The following ASCC3 variants were observed in gnomAD, a reference collection of about 807,000 sequenced individuals.
The protein encoded by ASCC3 is activating signal cointegrator 1 complex subunit 3, also known as ASC-1 complex subunit P200.
Under a neutral mutation model 256.3 loss-of-function variants are expected in ASCC3, and 158 were observed. The observed-to-expected ratio is 0.62, with a 90% CI of 0.54 to 0.70. ASCC3 has a LOEUF of 0.70. ASCC3 is among the 30% of genes least tolerant of loss of function. The pLI is 0.00. For synonymous variants in ASCC3, 948 were observed against 883.4 expected (o/e 1.07, Z -1.30); for missense variants, 2,259 against 2,626.0 (o/e 0.86, Z 3.05).
At chr6:100,700,288 G>T (rs1455754303) in intron 13 of ASCC3, among the ~76,000 whole-genome samples, 1 of 152,164 alleles carries the variant, frequency 6.6e-6, no homozygotes, top group Non-Finnish European at 1.5e-5. Flanking sequence ...TGTTGAGCCT[G>T]TGAGTGCACA....
At chr6:100,539,739 CGTCT>C (rs1482243898) in intron 37 of ASCC3, among the ~76,000 whole-genome samples, 1 of 151,816 alleles carries the variant, frequency 6.6e-6, no homozygotes, top group Non-Finnish European at 1.5e-5. Flanking sequence ...CATTACCCTC[CGTCT>C]TTCTCTTTAT....
intron 11 of ASCC3, 132 bp downstream of exon 11, chr6:100,725,406 CT>C: frequency 9.1e-7 from 1 of 1,093,420 alleles, no homozygotes; most frequent in Admixed American, 2.2e-5. Flanking sequence ...TACATTCCCC[CT>C]TTTAAAAATA....
In ASCC3 at chr6:100,731,883, C is replaced by T. The variant is rs568287253; in HGVS notation, c.1738-6180G>A. Among the ~76,000 whole-genome samples, 8 of 152,194 alleles carry T rather than the reference C, an allele frequency of 5.3e-5. No homozygotes were observed. The East Asian group carries it at 9.7e-4, about 18-fold the overall frequency. On this transcript the variant is annotated intron_variant, in intron 10 of 41. Coordinates refer to ENST00000369162, the MANE Select transcript of ASCC3 (RefSeq NM_006828.4). ...CACTTTAAAATGTCATACTGCAGGT[C>T]GGGTGTGGTGGCTCATGCCTGTAAT...
intron 8 of ASCC3, among the ~76,000 whole-genome samples, chr6:100,789,461 A>G (rs552126268): frequency 1.2e-4 from 18 of 152,072 alleles, no homozygotes; most frequent in Admixed American, 1.2e-3. Context: ...GCCAGGGGGA[A>G]ATAGTAATTT....
intron 10 of ASCC3, among the ~76,000 whole-genome samples, chr6:100,729,958 C>A (rs1170090025): frequency 1.3e-5 from 2 of 152,000 alleles, no homozygotes; most frequent in African/African-American, 4.8e-5. Flanking sequence ...CATCAAATCT[C>A]AGGAGCCATT....
chr6:100,651,082 T>A (rs538636569), intron 19 of ASCC3, among the ~76,000 whole-genome samples: 1 of 151,962 alleles, frequency 6.6e-6, no homozygotes, highest in Non-Finnish European at 1.5e-5. Context: ...CAACTTGAAT[T>A]ATCTTCAAAT....
At chr6:100,693,846 T>C (rs1437014708) in intron 13 of ASCC3, among the ~76,000 whole-genome samples, 2 of 152,138 alleles carry the variant, frequency 1.3e-5, no homozygotes, top group East Asian at 3.9e-4. Context: ...CAAACTCTTG[T>C]AGCAGCTCAA....
Position 100,605,558 on chromosome 6 carries a change from T to C in ASCC3, c.5177+10A>G, listed in dbSNP as rs1252394400. On this transcript the variant is annotated intron_variant, in intron 33 of 41. Coordinates refer to ENST00000369162, the MANE Select transcript of ASCC3 (RefSeq NM_006828.4). ...ATAAATCCATTTAAACTAATTTAAA[T>C]AAGATTTACCTTGATTCTACTGGGA... 1 of 1,467,334 alleles carries C rather than the reference T, an allele frequency of 6.8e-7. No homozygotes were observed. The highest frequency in any genetic ancestry group is 1.7e-5 in the Admixed American group (1 of 59,360). 90.9% of individuals were successfully genotyped at this position (1,467,334 alleles called of 1,614,324 possible).
At chr6:100,676,349 AG>A (rs1347897560) in intron 14 of ASCC3, among the ~76,000 whole-genome samples, 1 of 152,192 alleles carries the variant, frequency 6.6e-6, no homozygotes, top group Non-Finnish European at 1.5e-5. Context: ...TTGAGAGAAG[AG>A]AAAGTACGTT....
intron 10 of ASCC3, among the ~76,000 whole-genome samples, chr6:100,751,417 AAATAAGGAAAGACATCCCAG>A (rs1349475293): frequency 6.6e-6 from 1 of 151,974 alleles, no homozygotes; most frequent in Non-Finnish European, 1.5e-5. Flanking sequence ...ATACGGTCAT[AAATAAGGAAAGACATCCCAG>A]ACCCCTACCA....
Position 100,631,179 on chromosome 6 carries a change from C to T in ASCC3, c.4157G>A (p.Arg1386His), listed in dbSNP as rs376824125. The T allele has an allele frequency of 3.3e-5, 53 of 1,612,336 alleles. No homozygotes were observed. Among genetic ancestry groups the T allele is most frequent in the Middle Eastern group, 1.6e-4 (1 of 6,062 alleles). Residue 1386 changes from arginine to histidine, a missense_variant, in exon 26 of 42, where the codon CGT becomes CAT. By Grantham distance (29) the Arg-to-His change is conservative (BLOSUM62 0). Transcript: ENST00000369162. ...AACTTTCCAATCATCCATTCTTTCA[C>T]GTACTAGGGCTTTTAGGGGTGCAAT... ...VYIAPLKALV[R>H]ERMDDWKVRI...
chr6:100,768,874 T>G (rs1781787912), intron 8 of ASCC3, among the ~76,000 whole-genome samples: 1 of 152,154 alleles, frequency 6.6e-6, no homozygotes, highest in Non-Finnish European at 1.5e-5. Flanking sequence ...GCATATTCTC[T>G]GACTGCAATG....
chr6:100,810,637 C>T (rs1041726033), intron 4 of ASCC3, among the ~76,000 whole-genome samples: 1 of 152,076 alleles, frequency 6.6e-6, no homozygotes, highest in African/African-American at 2.4e-5. Flanking sequence ...TATACAAAAT[C>T]TCAAAACAGA....
intron 10 of ASCC3, among the ~76,000 whole-genome samples, chr6:100,728,357 G>A (rs1779735694): frequency 6.6e-6 from 1 of 151,906 alleles, no homozygotes; most frequent in Non-Finnish European, 1.5e-5. Flanking sequence ...GTTTACAGAG[G>A]ATGTAGAGCA....
At chr6:100,703,007 T>G (rs561580453) in intron 13 of ASCC3, among the ~76,000 whole-genome samples, 1 of 152,260 alleles carries the variant, frequency 6.6e-6, no homozygotes, top group African/African-American at 2.4e-5. Flanking sequence ...GTGATAATGT[T>G]TATTACCATA....
intron 37 of ASCC3, among the ~76,000 whole-genome samples, chr6:100,521,441 G>C (rs1202608262): frequency 6.6e-6 from 1 of 152,130 alleles, no homozygotes; most frequent in South Asian, 2.1e-4. Context: ...TGTTAGTTTT[G>C]CTGTCACACC....
chr6:100,647,910 C>A (rs1042172627), intron 20 of ASCC3, among the ~76,000 whole-genome samples: 3 of 152,090 alleles, frequency 2.0e-5, no homozygotes, highest in Non-Finnish European at 4.4e-5. Context: ...AAATGAAATA[C>A]TGATTAGTGT....
chr6:100,787,394 G>C (rs1418416994), intron 8 of ASCC3, among the ~76,000 whole-genome samples: 1 of 151,794 alleles, frequency 6.6e-6, no homozygotes, highest in Admixed American at 6.6e-5. Context: ...AAAAATCAAA[G>C]AAAAATAAAT....
At chr6:100,792,432 A>T (rs1415274163) in intron 8 of ASCC3, among the ~76,000 whole-genome samples, 1 of 151,882 alleles carries the variant, frequency 6.6e-6, no homozygotes, top group African/African-American at 2.4e-5. Context: ...CCTACATGCT[A>T]ATAAGACTGA....
Sources: allele counts gnomAD v4.1 joint callset (sites outside exome capture counted in the v4.1 genomes callset), GRCh38; gene constraint gnomAD v4.1.1; transcripts MANE v1.5; gene names NCBI Gene and HGNC (gene_info 2026-07-23, HGNC 2026-07-21).